Variants in PDE7A observed in about 807,000 individuals in gnomAD.
PDE7A encodes high affinity 3',5'-cyclic-AMP phosphodiesterase 7A.
PDE7A carries 39 observed loss-of-function variants against 64.3 expected under a neutral mutation model. The ratio of observed to expected loss-of-function variants is 0.61; its 90% CI spans 0.47 to 0.79. The LOEUF (loss-of-function observed/expected upper bound fraction) is 0.79. Among genes scored for constraint, PDE7A ranks in the 30% least tolerant of loss-of-function variants. The pLI is 0.00. For missense variants in PDE7A, 470 were observed against 582.8 expected (o/e 0.81, Z 1.99); for synonymous variants, 203 against 206.8 (o/e 0.98, Z 0.16).
intron 7 of PDE7A, chr8:65,728,707 G>A (rs1173146283): frequency 6.6e-6 from 1 of 152,152 alleles, no homozygotes; most frequent in Non-Finnish European, 1.5e-5. Flanking sequence ...GGGTGTCTAT[G>A]TCTTATGAAC....
intron 3 of PDE7A, among the ~76,000 whole-genome samples, chr8:65,778,475 G>A (rs2128923377): frequency 6.6e-6 from 1 of 152,224 alleles, no homozygotes; most frequent in Non-Finnish European, 1.5e-5. Flanking sequence ...TAAGCTGTCT[G>A]AACCATTCCA....
intron 5 of PDE7A, among the ~76,000 whole-genome samples, chr8:65,743,867 C>G (rs568494849): frequency 1.1e-3 from 169 of 151,364 alleles, no homozygotes; most frequent in Non-Finnish European, 1.6e-3. Context: ...CAGTCTCGCT[C>G]TATTGCCCAG....
chr8:65,760,709 C>A (rs978913913), intron 3 of PDE7A, among the ~76,000 whole-genome samples: 38 of 152,160 alleles, frequency 2.5e-4, no homozygotes, highest in African/African-American at 9.2e-4. Flanking sequence ...CCCCTCATCA[C>A]ACAGACACTG....
chr8:65,747,805 T>A lies in PDE7A; in HGVS notation c.284-2A>T. 1 of 1,596,478 alleles carries A rather than the reference T, an allele frequency of 6.3e-7. No individual in the cohort carries two copies. Among genetic ancestry groups the A allele is most frequent in the South Asian group, 1.1e-5 (1 of 88,532 alleles). On this transcript the variant is annotated splice_acceptor_variant, in intron 3 of 12. Coordinates refer to ENST00000401827, the MANE Select transcript of PDE7A (RefSeq NM_001242318.3). LOFTEE classifies it high-confidence loss of function. ...CAGACACTTCAATTTCAGATTGAGC[T>A]GAAATAAAAAGAATAAAAGGTAAGT...
At chr8:65,836,242 T>C (rs1467669717) in intron 1 of PDE7A, among the ~76,000 whole-genome samples, 1 of 152,214 alleles carries the variant, frequency 6.6e-6, no homozygotes, top group Non-Finnish European at 1.5e-5. Context: ...CACATTTATA[T>C]ACTGATGTTG....
rs1030313236 is a variant in PDE7A at position 65,719,113 on chromosome 8, G to C, written c.*177C>G. 13 of 599,724 alleles carry C rather than the reference G, an allele frequency of 2.2e-5. No individual in the cohort carries two copies. In the African/African-American group the frequency reaches 2.4e-4, roughly 11 times the overall value. The allele number at this position is 599,724 out of a possible 1,614,324, so 37.2% of individuals were successfully genotyped here. ...TCATATTGCTGTATGTTCGGGTCTT[G>C]CAATTAACAAGTGGGTTCAAATGAT... On this transcript the variant is annotated 3_prime_UTR_variant, in exon 13 of 13. Coordinates refer to ENST00000401827, the MANE Select transcript of PDE7A (RefSeq NM_001242318.3).
chr8:65,766,191 C>T (rs1044848601), intron 3 of PDE7A, among the ~76,000 whole-genome samples: 17 of 152,336 alleles, frequency 1.1e-4, no homozygotes, highest in African/African-American at 3.8e-4. Context: ...GGTGATCCAC[C>T]CGCCTTGGCC....
At chr8:65,830,346 G>A (rs1810785959) in intron 1 of PDE7A, among the ~76,000 whole-genome samples, 2 of 151,786 alleles carry the variant, frequency 1.3e-5, no homozygotes, top group Admixed American at 6.6e-5. Flanking sequence ...ACCTGACAAA[G>A]CATTAAGAAT....
At chr8:65,820,413 T>A (rs1296722363) in intron 1 of PDE7A, among the ~76,000 whole-genome samples, 1 of 151,886 alleles carries the variant, frequency 6.6e-6, no homozygotes. Context: ...AGAAAAGGAA[T>A]TATATCCCCC....
At chr8:65,743,163 A>C (rs1807517151) in intron 5 of PDE7A, among the ~76,000 whole-genome samples, 1 of 152,252 alleles carries the variant, frequency 6.6e-6, no homozygotes, top group Non-Finnish European at 1.5e-5. Context: ...GAAAATGTTA[A>C]GAGTGGCATT....
intron 3 of PDE7A, among the ~76,000 whole-genome samples, chr8:65,767,997 G>A (rs182283366): frequency 1.3e-5 from 2 of 152,058 alleles, no homozygotes; most frequent in East Asian, 1.9e-4. Flanking sequence ...TAGGAACTGA[G>A]CCCTTAACCT....
chr8:65,733,708 G>A (rs1807000658), intron 7 of PDE7A, among the ~76,000 whole-genome samples: 1 of 152,146 alleles, frequency 6.6e-6, no homozygotes, highest in South Asian at 2.1e-4. Context: ...CTGCATGTAA[G>A]TTCTACCACA....
At position 65,841,963 on chromosome 8, in the gene PDE7A, G is replaced by GGCCGCCGCCGGGGCC. The variant is rs1811105542; in HGVS notation, c.-456_-455insGGCCCCGGCGGCGGC. The stretch of plus-strand genomic sequence containing the variant: ...GGACTCAGGAGCAGCGACCAGCTCG[G>GGCCGCCGCCGGGGCC]GCCGCCGCCGCCGCCGCCGCCGCCG... On this transcript the variant is annotated 5_prime_UTR_variant, in exon 1 of 13. Coordinates refer to ENST00000401827, the MANE Select transcript of PDE7A (RefSeq NM_001242318.3). 4.2e-6 allele frequency: 1 copy of GGCCGCCGCCGGGGCC among 238,498 alleles called. No homozygotes were observed. Among genetic ancestry groups the GGCCGCCGCCGGGGCC allele is most frequent in the Admixed American group, 5.7e-5 (1 of 17,570 alleles). 14.8% of individuals were successfully genotyped at this position (238,498 alleles called of 1,614,324 possible).
intron 1 of PDE7A, among the ~76,000 whole-genome samples, chr8:65,821,459 A>G (rs1483165402): frequency 1.3e-5 from 2 of 152,238 alleles, no homozygotes; most frequent in East Asian, 3.8e-4. Context: ...CATATTTGAA[A>G]CTATATAATC....
intron 3 of PDE7A, among the ~76,000 whole-genome samples, chr8:65,768,841 A>G (rs1472170222): frequency 2.0e-5 from 3 of 152,292 alleles, no homozygotes; most frequent in African/African-American, 2.4e-5. Flanking sequence ...AATAGATAAT[A>G]AAAGATATAA....
intron 1 of PDE7A, among the ~76,000 whole-genome samples, chr8:65,798,457 G>A (rs1456905668): frequency 1.3e-5 from 2 of 151,860 alleles, no homozygotes; most frequent in East Asian, 1.9e-4. Context: ...TGATCCACCC[G>A]CCTCGGCCTT....
At chr8:65,751,692 A>T (rs375374331) in intron 3 of PDE7A, among the ~76,000 whole-genome samples, 3 of 152,184 alleles carry the variant, frequency 2.0e-5, no homozygotes, top group African/African-American at 7.2e-5. Context: ...GGGTTTCTCC[A>T]TGTTGGTCAG....
chr8:65,790,479 C>T (rs1221404634), intron 1 of PDE7A, among the ~76,000 whole-genome samples: 1 of 152,112 alleles, frequency 6.6e-6, no homozygotes, highest in Non-Finnish European at 1.5e-5. Flanking sequence ...ATCTGATTAT[C>T]AATGTACACA....
intron 1 of PDE7A, among the ~76,000 whole-genome samples, chr8:65,795,787 T>C (rs1435585284): frequency 1.3e-5 from 2 of 151,654 alleles, no homozygotes; most frequent in Admixed American, 1.3e-4. Context: ...AAATTACAAA[T>C]TAGTAGGGAA....
Sources: allele counts gnomAD v4.1 joint callset (sites outside exome capture counted in the v4.1 genomes callset), GRCh38; gene constraint gnomAD v4.1.1; transcripts MANE v1.5; gene names NCBI Gene and HGNC (gene_info 2026-07-23, HGNC 2026-07-21).